Variants in PRR16 observed in about 807,000 individuals in gnomAD.
The protein encoded by PRR16 is proline rich 16.
In PRR16, 6 loss-of-function variants were observed where a neutral mutation model predicts 18.2. The observed-to-expected ratio is 0.33, with a 90% CI of 0.18 to 0.65. PRR16 has a LOEUF of 0.65. PRR16 is among the 30% of genes least tolerant of loss of function. PRR16 has a pLI of 0.74. For missense variants in PRR16, 412 were observed against 376.6 expected (o/e 1.09, Z -0.78); for synonymous variants, 151 against 147.8 (o/e 1.02, Z -0.16).
At chr5:120,756,515 A>T in the PRR16 span, among the ~76,000 whole-genome samples, 1 of 151,776 alleles carries the variant, frequency 6.6e-6, no homozygotes, top group Non-Finnish European at 1.5e-5. Context: ...GTATCTCACT[A>T]TGTTTTGGAT....
At chr5:120,541,975 A>C (rs769164091) in intron 1 of PRR16, among the ~76,000 whole-genome samples, 2 of 152,082 alleles carry the variant, frequency 1.3e-5, no homozygotes, top group Non-Finnish European at 2.9e-5. Context: ...ACAGATTAAA[A>C]ATAAGCAATA....
intron 1 of PRR16, among the ~76,000 whole-genome samples, chr5:120,504,456 T>G (rs1750574256): frequency 6.6e-6 from 1 of 152,214 alleles, no homozygotes; most frequent in South Asian, 2.1e-4. Flanking sequence ...GGGATATATC[T>G]AAAGTCTTTT....
chr5:120,716,517 C>T, the PRR16 span, among the ~76,000 whole-genome samples: 4 of 152,234 alleles, frequency 2.6e-5, no homozygotes, highest in African/African-American at 9.6e-5. Context: ...GACAAAATTG[C>T]GTTTTAATCT....
At chr5:120,492,367 C>T (rs1750088692) in intron 1 of PRR16, among the ~76,000 whole-genome samples, 1 of 151,872 alleles carries the variant, frequency 6.6e-6, no homozygotes, top group African/African-American at 2.4e-5. Context: ...GTGATTGTCT[C>T]ACCTTAGCCT....
At chr5:120,583,635 T>C (rs897276030) in intron 1 of PRR16, among the ~76,000 whole-genome samples, 4 of 152,122 alleles carry the variant, frequency 2.6e-5, no homozygotes, top group Admixed American at 2.0e-4. Context: ...TCTTGAGATT[T>C]GGGTATGATG....
chr5:120,742,605 C>T, the PRR16 span, among the ~76,000 whole-genome samples: 4 of 151,696 alleles, frequency 2.6e-5, no homozygotes, highest in South Asian at 6.3e-4. Context: ...TATTTAATAC[C>T]TATTGGCTTT....
intron 1 of PRR16, among the ~76,000 whole-genome samples, chr5:120,574,535 C>A (rs1753012860): frequency 6.7e-6 from 1 of 149,654 alleles, no homozygotes; most frequent in African/African-American, 2.6e-5. Context: ...ACCCGAGAGG[C>A]AGAGGTTGCA....
chr5:120,640,465 T>C (rs947072032), intron 1 of PRR16, among the ~76,000 whole-genome samples: 1 of 152,130 alleles, frequency 6.6e-6, no homozygotes, highest in African/African-American at 2.4e-5. Flanking sequence ...ATGAAGGTGG[T>C]CATTCTAATA....
At chr5:120,789,401 A>G in the PRR16 span, among the ~76,000 whole-genome samples, 5 of 152,256 alleles carry the variant, frequency 3.3e-5, no homozygotes, top group Admixed American at 1.3e-4. Flanking sequence ...GTACTTATTT[A>G]AAAGTATTGC....
chr5:120,619,397 T>C (rs978334519), intron 1 of PRR16, among the ~76,000 whole-genome samples: 3 of 152,176 alleles, frequency 2.0e-5, no homozygotes, highest in African/African-American at 4.8e-5. Flanking sequence ...TGTCTTTCCA[T>C]ATTTATTATA....
intron 1 of PRR16, among the ~76,000 whole-genome samples, chr5:120,498,537 C>G (rs1750336725): frequency 6.6e-6 from 1 of 151,666 alleles, no homozygotes; most frequent in South Asian, 2.1e-4. Flanking sequence ...GCCATACTTT[C>G]TTTTTCAACC....
chr5:120,730,431 A>G, the PRR16 span, among the ~76,000 whole-genome samples: 30 of 152,266 alleles, frequency 2.0e-4, no homozygotes, highest in African/African-American at 7.2e-4. Context: ...GATAAATATG[A>G]TGACTGGGGA....
the PRR16 span, among the ~76,000 whole-genome samples, chr5:120,761,701 A>G: frequency 2.0e-5 from 3 of 152,110 alleles, no homozygotes; most frequent in African/African-American, 7.2e-5. Flanking sequence ...ATACATTATC[A>G]TTTCTATGTG....
At chr5:120,525,424 A>G (rs1017895692) in intron 1 of PRR16, among the ~76,000 whole-genome samples, 3 of 151,952 alleles carry the variant, frequency 2.0e-5, no homozygotes, top group Non-Finnish European at 4.4e-5. Context: ...AATTTATGCT[A>G]TCTTGCTGTA....
rs1757127476 is a variant in PRR16 at position 120,686,465 on chromosome 5, A to G, written c.671A>G (p.Tyr224Cys). Residue 224 changes from tyrosine to cysteine, a missense_variant, in exon 2 of 2, where the codon TAT becomes TGT. Coordinates refer to ENST00000407149, the MANE Select transcript of PRR16 (RefSeq NM_001300783.2). ...HGYCPDCDTR[Y>C]NIKNREVHLH... ...TATTGTCCTGACTGTGATACCCGGT[A>G]TAACATAAAAAACAGGGAGGTCCAC... 3 of 1,614,010 alleles carry G rather than the reference A, an allele frequency of 1.9e-6. No homozygotes were observed. The highest frequency in any genetic ancestry group is 2.7e-5 in the African/African-American group (2 of 74,912).
chr5:120,763,212 T>C, the PRR16 span, among the ~76,000 whole-genome samples: 1 of 152,094 alleles, frequency 6.6e-6, no homozygotes, highest in Non-Finnish European at 1.5e-5. Context: ...AGTGGCATGA[T>C]ATCGGCTCAC....
At chr5:120,576,624 T>C (rs1753087711) in intron 1 of PRR16, among the ~76,000 whole-genome samples, 1 of 152,074 alleles carries the variant, frequency 6.6e-6, no homozygotes, top group African/African-American at 2.4e-5. Context: ...GTTAACCCTA[T>C]GTGTGTCACA....
At chr5:120,577,555 C>A (rs536177971) in intron 1 of PRR16, among the ~76,000 whole-genome samples, 72 of 152,240 alleles carry the variant, frequency 4.7e-4, no homozygotes, top group African/African-American at 1.5e-3. Context: ...TTCACAAACA[C>A]TACCTCTTAG....
chr5:120,479,765 C>T (rs1193487201), intron 1 of PRR16, among the ~76,000 whole-genome samples: 2 of 151,722 alleles, frequency 1.3e-5, no homozygotes, highest in East Asian at 1.9e-4. Context: ...TTAAGTTATT[C>T]TAAATTGACA....
Sources: gnomAD v4.1 joint callset for allele counts (sites outside exome capture counted in the v4.1 genomes callset) on GRCh38, gnomAD v4.1.1 for gene constraint, MANE v1.5 for transcripts, NCBI Gene and HGNC (gene_info 2026-07-23, HGNC 2026-07-21) for gene names.